Variants in NAV3 observed in about 807,000 individuals in gnomAD.
NAV3 encodes pore membrane and/or filament interacting like protein 1.
In NAV3, 87 loss-of-function variants were observed where a neutral mutation model predicts 244.7. The ratio of observed to expected loss-of-function variants is 0.36; its 90% CI spans 0.30 to 0.42. The LOEUF (loss-of-function observed/expected upper bound fraction) is 0.42. Among genes scored for constraint, NAV3 ranks in the 20% least tolerant of loss-of-function variants. NAV3 has a pLI of 1.00. For synonymous variants in NAV3, 1,126 were observed against 1,042.2 expected (o/e 1.08, Z -1.55); for missense variants, 2,663 against 2,893.3 (o/e 0.92, Z 1.83).
At chr12:78,170,088 A>G (rs1411889113) in intron 24 of NAV3, among the ~76,000 whole-genome samples, 1 of 151,722 alleles carries the variant, frequency 6.6e-6, no homozygotes, top group Non-Finnish European at 1.5e-5. Flanking sequence ...ATAGCTAATA[A>G]CTGTCAAATC....
intron 2 of NAV3, among the ~76,000 whole-genome samples, chr12:77,596,908 G>C (rs1592488653): frequency 6.6e-6 from 1 of 152,082 alleles, no homozygotes; most frequent in Admixed American, 6.6e-5. Context: ...GTATGGTGGA[G>C]AGGGGTACAA....
At chr12:77,696,055 A>G (rs2137180845) in intron 2 of NAV3, among the ~76,000 whole-genome samples, 1 of 152,300 alleles carries the variant, frequency 6.6e-6, no homozygotes, top group Non-Finnish European at 1.5e-5. Context: ...AATAAAAAGT[A>G]CAGTAGAAAG....
intron 5 of NAV3, among the ~76,000 whole-genome samples, chr12:77,987,701 T>A (rs1250686026): frequency 6.6e-6 from 1 of 152,066 alleles, no homozygotes; most frequent in Non-Finnish European, 1.5e-5. Flanking sequence ...AACAACGCAG[T>A]CTGTTTAGGA....
chr12:77,841,827 A>G (rs1210196604), intron 1 of NAV3, among the ~76,000 whole-genome samples: 1 of 152,214 alleles, frequency 6.6e-6, no homozygotes, highest in Non-Finnish European at 1.5e-5. Flanking sequence ...ACCTCTAGCC[A>G]GCCATCAGTG....
intron 1 of NAV3, among the ~76,000 whole-genome samples, chr12:77,898,895 T>C (rs937641726): frequency 4.6e-5 from 7 of 152,184 alleles, no homozygotes; most frequent in African/African-American, 1.7e-4. Flanking sequence ...CATGAAAGGA[T>C]GTCAAAATGT....
At chr12:78,004,401 A>T (rs10777655) in intron 7 of NAV3, among the ~76,000 whole-genome samples, 125,456 of 152,138 alleles carry the variant, frequency 0.82, 51,883 homozygotes, top group Admixed American at 0.87. Flanking sequence ...ACCATAGACA[A>T]GAGGTAAGGC....
At chr12:78,050,619 C>A in intron 10 of NAV3, 145 bp from the exon 11 acceptor site, 1 of 873,262 alleles carries the variant, frequency 1.1e-6, no homozygotes. Context: ...AATTTGACCT[C>A]AAAATGAATA....
At chr12:78,132,483 C>T (rs943428819) in intron 18 of NAV3, among the ~76,000 whole-genome samples, 7 of 152,102 alleles carry the variant, frequency 4.6e-5, no homozygotes, top group Admixed American at 1.3e-4. Flanking sequence ...CATACTTTTC[C>T]AACTACAATT....
At chr12:77,837,117 G>T (rs1019861992) in intron 1 of NAV3, among the ~76,000 whole-genome samples, 5 of 152,028 alleles carry the variant, frequency 3.3e-5, no homozygotes, top group Non-Finnish European at 5.9e-5. Flanking sequence ...GAGAGAAATT[G>T]TATATGAATG....
intron 2 of NAV3, among the ~76,000 whole-genome samples, chr12:77,625,720 A>G (rs923462667): frequency 5.3e-5 from 8 of 152,236 alleles, no homozygotes; most frequent in African/African-American, 1.7e-4. Flanking sequence ...TATGGAGAAT[A>G]CACTATTGCA....
At chr12:78,176,803 C>T (rs1337202457) in intron 26 of NAV3, among the ~76,000 whole-genome samples, 1 of 151,994 alleles carries the variant, frequency 6.6e-6, no homozygotes, top group Admixed American at 6.6e-5. Flanking sequence ...CTAAAGTGGC[C>T]ATTTAAAACA....
rs574859753 is a variant in NAV3 at position 77,945,165 on chromosome 12, G to A, written c.414+4032G>A. Among the ~76,000 whole-genome samples, 4 of 152,014 alleles carry A rather than the reference G, an allele frequency of 2.6e-5. No individual in the cohort carries two copies. The East Asian group carries it at 7.8e-4, about 29-fold the overall frequency. On this transcript the variant is annotated intron_variant, in intron 3 of 39. Coordinates refer to ENST00000397909, the MANE Select transcript of NAV3 (RefSeq NM_001024383.2). ...GCTTGAGAAGAAGACAGAGTTGAGGGGAGTTTTTGCAAGGGGGGAAGAAAG... is the reference window on the plus strand; with the variant it reads ...GCTTGAGAAGAAGACAGAGTTGAGGAGAGTTTTTGCAAGGGGGGAAGAAAG...
intron 16 of NAV3, among the ~76,000 whole-genome samples, chr12:78,123,140 A>T (rs1955749258): frequency 6.6e-6 from 1 of 152,060 alleles, no homozygotes; most frequent in South Asian, 2.1e-4. Context: ...TTTCTCCTCA[A>T]AGTGATCCTC....
intron 25 of NAV3, among the ~76,000 whole-genome samples, chr12:78,176,127 T>G (rs1958214119): frequency 6.6e-6 from 1 of 151,952 alleles, no homozygotes; most frequent in African/African-American, 2.4e-5. Context: ...TTAAGTTTGC[T>G]AGTGATATAA....
chr12:77,787,758 T>G (rs976846540), intron 2 of NAV3, among the ~76,000 whole-genome samples: 1 of 152,192 alleles, frequency 6.6e-6, no homozygotes, highest in Non-Finnish European at 1.5e-5. Context: ...TGGGGAAAAC[T>G]GTTTATTTTA....
At chr12:78,010,156 A>G (rs970364616) in intron 8 of NAV3, among the ~76,000 whole-genome samples, 7 of 152,212 alleles carry the variant, frequency 4.6e-5, no homozygotes, top group Non-Finnish European at 8.8e-5. Flanking sequence ...CAATTTTACA[A>G]ATAATATGTA....
chr12:77,691,440 G>A (rs1419269645), intron 2 of NAV3, among the ~76,000 whole-genome samples: 1 of 148,000 alleles, frequency 6.8e-6, no homozygotes, highest in Non-Finnish European at 1.5e-5. Context: ...TTAAGTCTCA[G>A]TGTTCTGGCC....
chr12:77,591,816 T>A (rs1001693644), intron 2 of NAV3, among the ~76,000 whole-genome samples: 1 of 152,214 alleles, frequency 6.6e-6, no homozygotes, highest in Non-Finnish European at 1.5e-5. Flanking sequence ...TATATCCTAA[T>A]GTATACATAT....
intron 1 of NAV3, among the ~76,000 whole-genome samples, chr12:77,924,552 C>A (rs1888012670): frequency 6.6e-6 from 1 of 152,072 alleles, no homozygotes; most frequent in South Asian, 2.1e-4. Context: ...TGGGTCAACT[C>A]TTCACAAAAA....
Sources: allele counts gnomAD v4.1 joint callset (sites outside exome capture counted in the v4.1 genomes callset), GRCh38; gene constraint gnomAD v4.1.1; transcripts MANE v1.5; gene names NCBI Gene and HGNC (gene_info 2026-07-23, HGNC 2026-07-21).